The following HESX1 variants were observed in gnomAD, a reference collection of about 807,000 sequenced individuals.
HESX1 encodes the protein homeobox expressed in ES cells 1.
HESX1 carries 11 observed loss-of-function variants against 22.5 expected under a neutral mutation model. That is an observed-to-expected ratio of 0.49 (90% confidence interval 0.31 to 0.81). The LOEUF is 0.81. Among genes scored for constraint, HESX1 ranks in the 30% least tolerant of loss-of-function variants. The probability of loss-of-function intolerance (pLI) is 0.05; values close to 1 mark genes in which losing one functional copy is unlikely to be tolerated. For synonymous variants in HESX1, 74 were observed against 76.5 expected, an observed-to-expected ratio of 0.97 and a Z score of 0.17; for missense variants, 201 against 212.6, an observed-to-expected ratio of 0.95 and a Z score of 0.34.
chr3:57,221,874 G>A (rs907488636), intron 1 of HESX1, among the ~76,000 whole-genome samples: 1 of 152,168 alleles, frequency 6.6e-6, no homozygotes, highest in Non-Finnish European at 1.5e-5. Context: ...CAAAGTGCTG[G>A]GATTATAGGC....
intron 1 of HESX1, among the ~76,000 whole-genome samples, chr3:57,209,259 T>C (rs1393237358): frequency 6.6e-6 from 1 of 152,168 alleles, no homozygotes; most frequent in Non-Finnish European, 1.5e-5. Flanking sequence ...GGCTAGCGGC[T>C]CCAAACAGAA....
In HESX1 at chr3:57,198,778, G is replaced by C. The variant is rs1472212351; in HGVS notation, c.332C>G (p.Pro111Arg). ...RELSWYRGRR[P>R]RTAFTQNQIE... ...CTGGTTTTGAGTAAAAGCAGTTCTT[G>C]GTCTTCGGCCTCTATACCAACTCAA... Residue 111 changes from proline (P) to arginine (R), a missense_variant, in exon 2 of 4, where the codon CCA becomes CGA. Physicochemically the swap from Pro to Arg is moderately radical, Grantham distance 103. Transcript: ENST00000295934. The C allele has an allele frequency of 9.3e-6, 15 of 1,613,902 alleles. No individual in the cohort carries two copies. Among genetic ancestry groups the C allele is most frequent in the African/African-American group, 4.0e-5 (3 of 74,888 alleles).
chr3:57,213,185 C>T (rs919878295), intron 1 of HESX1, among the ~76,000 whole-genome samples: 2 of 152,066 alleles, frequency 1.3e-5, no homozygotes, highest in Non-Finnish European at 2.9e-5. Flanking sequence ...AGGTTGTCTC[C>T]AATTTTTTAC....
chr3:57,221,613 T>C (rs2060616231), intron 1 of HESX1, among the ~76,000 whole-genome samples: 1 of 152,146 alleles, frequency 6.6e-6, no homozygotes, highest in Non-Finnish European at 1.5e-5. Flanking sequence ...TATATATCTA[T>C]TTATTTATTT....
intron 1 of HESX1, among the ~76,000 whole-genome samples, chr3:57,213,322 A>C (rs937604951): frequency 6.6e-6 from 1 of 152,204 alleles, no homozygotes; most frequent in Non-Finnish European, 1.5e-5. Flanking sequence ...GGATGCTGCC[A>C]TATTTCCTTC....
chr3:57,199,394 G>A (rs1400650688), intron 1 of HESX1, among the ~76,000 whole-genome samples: 4 of 152,080 alleles, frequency 2.6e-5, no homozygotes, highest in African/African-American at 7.2e-5. Context: ...TGAGGCAGGC[G>A]GATCACCTGA....
chr3:57,221,256 C>T (rs910363043), intron 1 of HESX1, among the ~76,000 whole-genome samples: 2 of 151,604 alleles, frequency 1.3e-5, no homozygotes, highest in African/African-American at 4.8e-5. Flanking sequence ...CCAGCTCAAG[C>T]GATCCTCCCA....
intron 1 of HESX1, among the ~76,000 whole-genome samples, chr3:57,226,074 C>T (rs2060642173): frequency 6.6e-6 from 1 of 151,660 alleles, no homozygotes; most frequent in Admixed American, 6.6e-5. Flanking sequence ...GACTGGGTTT[C>T]GCCATGTTGG....
At chr3:57,226,633 ACTT>A (rs1300106394), upstream of HESX1, 2 of 152,216 alleles carry the variant, frequency 1.3e-5, no homozygotes, top group African/African-American at 2.4e-5. Context: ...AAAATATATA[ACTT>A]CTATTTGTTA....
At chr3:57,219,622 C>A (rs2060603384) in intron 1 of HESX1, among the ~76,000 whole-genome samples, 1 of 152,282 alleles carries the variant, frequency 6.6e-6, no homozygotes, top group East Asian at 1.9e-4. Context: ...CCACCTCAGC[C>A]TCCCAGAGTG....
chr3:57,220,712 TG>T (rs2060611019), intron 1 of HESX1, among the ~76,000 whole-genome samples: 2 of 152,208 alleles, frequency 1.3e-5, no homozygotes, highest in African/African-American at 4.8e-5. Flanking sequence ...ATTACAGGCA[TG>T]AGCCACCATG....
upstream of HESX1, among the ~76,000 whole-genome samples, chr3:57,204,596 C>T (rs2107571597): frequency 6.6e-6 from 1 of 152,212 alleles, no homozygotes; most frequent in Non-Finnish European, 1.5e-5. Context: ...TAAGTTTATG[C>T]ATCACCAGCA....
At chr3:57,212,074 T>C (rs1327508333) in intron 1 of HESX1, among the ~76,000 whole-genome samples, 1 of 152,184 alleles carries the variant, frequency 6.6e-6, no homozygotes, top group Non-Finnish European at 1.5e-5. Flanking sequence ...ATTGAGTACA[T>C]TTGGTTTATA....
At chr3:57,217,365 C>T (rs1261179231) in intron 1 of HESX1, among the ~76,000 whole-genome samples, 1 of 152,174 alleles carries the variant, frequency 6.6e-6, no homozygotes, top group African/African-American at 2.4e-5. Flanking sequence ...GGGTTCATTC[C>T]AATTTTCTCC....
chr3:57,205,316 G>A (rs912960516), intron 1 of HESX1, among the ~76,000 whole-genome samples: 1 of 152,066 alleles, frequency 6.6e-6, no homozygotes, highest in Non-Finnish European at 1.5e-5. Context: ...AGGCTGAGGT[G>A]GGAGGATCGC....
At chr3:57,206,469 A>T (rs537774845) in intron 1 of HESX1, among the ~76,000 whole-genome samples, 1 of 152,344 alleles carries the variant, frequency 6.6e-6, no homozygotes, top group South Asian at 2.1e-4. Context: ...CCCTTCTATT[A>T]CAAAACAGCT....
At chr3:57,205,695 T>C (rs2060516122) in intron 1 of HESX1, among the ~76,000 whole-genome samples, 1 of 152,222 alleles carries the variant, frequency 6.6e-6, no homozygotes. Flanking sequence ...TCAAATATCA[T>C]CTTCTCAATG....
chr3:57,216,456 C>T (rs1481372792), intron 1 of HESX1, among the ~76,000 whole-genome samples: 1 of 151,924 alleles, frequency 6.6e-6, no homozygotes, highest in Non-Finnish European at 1.5e-5. Context: ...ACAAAAGCCA[C>T]AAAAAATTAG....
At chr3:57,217,573 C>T (rs1579364347) in intron 1 of HESX1, among the ~76,000 whole-genome samples, 1 of 152,170 alleles carries the variant, frequency 6.6e-6, no homozygotes, top group East Asian at 1.9e-4. Flanking sequence ...CCAAAAAGCC[C>T]TTCTCTTCCT....
Sources: gnomAD v4.1 joint callset for allele counts (sites outside exome capture counted in the v4.1 genomes callset) on GRCh38, gnomAD v4.1.1 for gene constraint, MANE v1.5 for transcripts, NCBI Gene and HGNC (gene_info 2026-07-23, HGNC 2026-07-21) for gene names.